The following PRKD1 variants were observed in gnomAD, a reference collection of about 807,000 sequenced individuals.
The protein encoded by PRKD1 is serine/threonine-protein kinase D1.
In PRKD1, 63 loss-of-function variants were observed where a neutral mutation model predicts 95.9. The observed-to-expected ratio is 0.66, with a 90% CI of 0.54 to 0.81. The LOEUF (loss-of-function observed/expected upper bound fraction) is 0.81, where lower values mean the gene tolerates loss of function less well. PRKD1 is among the 30% of genes least tolerant of loss of function. The pLI is 0.00. For missense variants in PRKD1, 1,048 were observed against 1,165.3 expected (o/e 0.90, Z 1.47); for synonymous variants, 425 against 423.1 (o/e 1.00, Z -0.05).
rs1442206076 is a variant in PRKD1, at chr14:29,826,680, TATATACACACATATATATAC to T, written c.264+100549_264+100568del. 1.8e-4 allele frequency among the ~76,000 whole-genome samples: 9 copies of T among 49,738 alleles called. No homozygotes were observed. In the South Asian group the frequency reaches 4.7e-3, roughly 26 times the overall value. The allele number at this position is 49,738 out of a possible 152,430, so 32.6% of individuals were successfully genotyped here. On this transcript the variant is annotated intron_variant, in intron 1 of 17. Coordinates refer to ENST00000331968, the MANE Select transcript of PRKD1 (RefSeq NM_002742.3). Reference sequence around the variant, plus strand: ...GTGTGTGTGTATATATGTGTATATATATATACACACATATATATACATATATACACATATATATATACATA... The same window carrying T: ...GTGTGTGTGTATATATGTGTATATATATATATACACATATATATATACATA...
chr14:29,595,945 C>T (rs1461928253), intron 16 of PRKD1, among the ~76,000 whole-genome samples: 1 of 152,196 alleles, frequency 6.6e-6, no homozygotes, highest in Non-Finnish European at 1.5e-5. Flanking sequence ...TTTGATAATT[C>T]TCTCTGTCTC....
intron 1 of PRKD1, among the ~76,000 whole-genome samples, chr14:29,791,044 G>A (rs918533967): frequency 3.9e-5 from 6 of 152,006 alleles, no homozygotes; most frequent in African/African-American, 1.4e-4. Flanking sequence ...TGGAAAACCA[G>A]GTGACTAAAA....
At chr14:29,624,901 T>C (rs944361232) in intron 12 of PRKD1, among the ~76,000 whole-genome samples, 3 of 152,196 alleles carry the variant, frequency 2.0e-5, no homozygotes, top group Non-Finnish European at 2.9e-5. Flanking sequence ...TTTTCAGGAA[T>C]TCTACGGAGC....
intron 2 of PRKD1, among the ~76,000 whole-genome samples, chr14:29,718,623 C>G (rs1339263354): frequency 6.6e-6 from 1 of 152,098 alleles, no homozygotes; most frequent in Non-Finnish European, 1.5e-5. Context: ...TGTATTTTCA[C>G]ATTTAGATTT....
intron 2 of PRKD1, among the ~76,000 whole-genome samples, chr14:29,697,116 T>C (rs1250746711): frequency 1.3e-5 from 2 of 151,556 alleles, no homozygotes; most frequent in Non-Finnish European, 2.9e-5. Context: ...CTACAGGTCC[T>C]ATCTGGCCCA....
intron 2 of PRKD1, among the ~76,000 whole-genome samples, chr14:29,707,042 G>C (rs1594446264): frequency 6.6e-6 from 1 of 152,248 alleles, no homozygotes; most frequent in East Asian, 1.9e-4. Context: ...AAAAAAATGG[G>C]AGCAGTTCCA....
At chr14:29,892,486 G>T (rs1893973340) in intron 1 of PRKD1, among the ~76,000 whole-genome samples, 1 of 149,670 alleles carries the variant, frequency 6.7e-6, no homozygotes, top group Non-Finnish European at 1.5e-5. Context: ...TCAGAAGTTT[G>T]TTTTGCAGTT....
At chr14:29,675,262 T>C (rs1036740340) in intron 2 of PRKD1, among the ~76,000 whole-genome samples, 2 of 152,198 alleles carry the variant, frequency 1.3e-5, no homozygotes, top group Non-Finnish European at 2.9e-5. Flanking sequence ...TTCCATCAGG[T>C]TTATTGAGAT....
At chr14:29,859,668 A>G (rs2139356206) in intron 1 of PRKD1, among the ~76,000 whole-genome samples, 1 of 152,066 alleles carries the variant, frequency 6.6e-6, no homozygotes, top group South Asian at 2.1e-4. Flanking sequence ...AAGCTTCCTC[A>G]TGTAGATAAA....
intron 1 of PRKD1, among the ~76,000 whole-genome samples, chr14:29,819,418 C>T (rs999036668): frequency 6.6e-6 from 1 of 152,068 alleles, no homozygotes; most frequent in Non-Finnish European, 1.5e-5. Flanking sequence ...GGGCCGGGCG[C>T]GGTGGCTCAT....
chr14:29,852,965 A>G (rs888142743), intron 1 of PRKD1, among the ~76,000 whole-genome samples: 3 of 152,190 alleles, frequency 2.0e-5, no homozygotes, highest in African/African-American at 7.2e-5. Context: ...AAAACATATG[A>G]TCCAACTATA....
intron 16 of PRKD1, among the ~76,000 whole-genome samples, chr14:29,586,639 CT>C (rs146490824): frequency 6.6e-6 from 1 of 151,980 alleles, no homozygotes; most frequent in East Asian, 1.9e-4. Flanking sequence ...TTACTCTCTC[CT>C]TTTTTTGTTT....
intron 1 of PRKD1, among the ~76,000 whole-genome samples, chr14:29,873,137 G>A (rs1028728407): frequency 9.2e-5 from 14 of 152,200 alleles, no homozygotes; most frequent in Middle Eastern, 3.4e-3. Flanking sequence ...CCAGGCTGGA[G>A]TATAATGGCA....
At chr14:29,672,811 T>A (rs1299750513) in intron 2 of PRKD1, among the ~76,000 whole-genome samples, 4 of 152,030 alleles carry the variant, frequency 2.6e-5, no homozygotes, top group Admixed American at 2.6e-4. Context: ...AGTTTTAGAT[T>A]CCAGACAAGC....
At chr14:29,887,623 C>CA (rs1453731105) in intron 1 of PRKD1, among the ~76,000 whole-genome samples, 1 of 152,122 alleles carries the variant, frequency 6.6e-6, no homozygotes, top group Non-Finnish European at 1.5e-5. Flanking sequence ...AGTCATGCAC[C>CA]ACATAATGAT....
chr14:29,900,955 G>A (rs11156621), intron 1 of PRKD1, among the ~76,000 whole-genome samples: 34,981 of 152,052 alleles, frequency 0.23, 7,638 homozygotes, highest in African/African-American at 0.58. Context: ...AACTTAAAAA[G>A]CTACCATTTG....
At chr14:29,768,508 T>C (rs1888361335) in intron 1 of PRKD1, among the ~76,000 whole-genome samples, 1 of 152,190 alleles carries the variant, frequency 6.6e-6, no homozygotes, top group Admixed American at 6.5e-5. Context: ...TTTGGAAAAT[T>C]ATCTTTAATT....
intron 1 of PRKD1, among the ~76,000 whole-genome samples, chr14:29,754,034 C>A (rs1887593094): frequency 6.6e-6 from 1 of 152,172 alleles, no homozygotes; most frequent in Non-Finnish European, 1.5e-5. Context: ...ACAGTTTACA[C>A]TTTTACCAGC....
At chr14:29,732,447 A>G (rs1283256555) in intron 1 of PRKD1, among the ~76,000 whole-genome samples, 1 of 152,090 alleles carries the variant, frequency 6.6e-6, no homozygotes, top group East Asian at 1.9e-4. Context: ...TATGTCTTTT[A>G]CATACACAAA....
Sources: allele counts gnomAD v4.1 joint callset (sites outside exome capture counted in the v4.1 genomes callset), GRCh38; gene constraint gnomAD v4.1.1; transcripts MANE v1.5; gene names NCBI Gene and HGNC (gene_info 2026-07-23, HGNC 2026-07-21).